Variants in SNX29 observed in about 807,000 individuals in gnomAD.
The protein encoded by SNX29 is sorting nexin 29.
Under a neutral mutation model 102.1 loss-of-function variants are expected in SNX29, and 78 were observed. The observed-to-expected ratio is 0.76, with a 90% CI of 0.64 to 0.92. SNX29 has a LOEUF of 0.92. Among genes scored for constraint, SNX29 ranks in the 40% least tolerant of loss-of-function variants. The pLI, the probability that SNX29 is intolerant of heterozygous loss-of-function variation, is 0.00. For missense variants in SNX29, 1,280 were observed against 1,061.7 expected (o/e 1.21, Z -2.86); for synonymous variants, 580 against 414.5 (o/e 1.40, Z -4.85).
At position 12,052,203 on chromosome 16, in the gene SNX29, C is replaced by A; in HGVS notation, c.1105C>A (p.His369Asn). 2 of 1,613,902 alleles carry A rather than the reference C, an allele frequency of 1.2e-6. No individual in the cohort carries two copies. The highest frequency in any genetic ancestry group is 1.7e-6 in the Non-Finnish European group (2 of 1,179,856). Reference protein sequence around the residue: ...GNSSGRKHRGHSESPEKPLEG... With the variant: ...GNSSGRKHRGNSESPEKPLEG... ...CTCATCAGGAAGGAAGCACAGGGGC[C>A]ACTCGGAGTCGCCCGAGAAGTAAGT... is the stretch of plus-strand genomic sequence containing the variant. Residue 369 changes from histidine to asparagine, a missense_variant, in exon 8 of 21, where the codon CAC becomes AAC. Transcript: ENST00000566228.
intron 20 of SNX29, among the ~76,000 whole-genome samples, chr16:12,542,795 A>C (rs1321648312): frequency 6.6e-6 from 1 of 151,860 alleles, no homozygotes; most frequent in Non-Finnish European, 1.5e-5. Flanking sequence ...TAGTTAAATC[A>C]GCAAGTAAGT....
At position 12,345,621 on chromosome 16, in the gene SNX29, G is replaced by A. The variant is rs567821752; in HGVS notation, c.1783-10542G>A. 2.2e-3 allele frequency among the ~76,000 whole-genome samples: 342 copies of A among 152,294 alleles called. 4 individuals carry two copies. The highest frequency in any genetic ancestry group is 0.011 in the South Asian group (53 of 4,826). ...AACTGTTGTTGCCACTACTACTGGG[G>A]GATGATCTGTGGAGGAGGTGGATGA... is the stretch of plus-strand genomic sequence containing the variant. On this transcript the variant is annotated intron_variant, in intron 15 of 20. Coordinates refer to ENST00000566228, the MANE Select transcript of SNX29 (RefSeq NM_032167.5).
intron 15 of SNX29, among the ~76,000 whole-genome samples, chr16:12,314,745 A>T (rs1374840563): frequency 5.9e-5 from 9 of 152,226 alleles, no homozygotes; most frequent in African/African-American, 2.2e-4. Context: ...GATAGTCAGC[A>T]GTTGCAGTGT....
At chr16:12,531,022 T>A (rs1393184377) in intron 20 of SNX29, among the ~76,000 whole-genome samples, 1 of 152,260 alleles carries the variant, frequency 6.6e-6, no homozygotes, top group East Asian at 1.9e-4. Flanking sequence ...TGGATACACA[T>A]TTTGGCAGGT....
chr16:12,523,519 C>T (rs1322457736), intron 19 of SNX29, among the ~76,000 whole-genome samples: 1 of 152,144 alleles, frequency 6.6e-6, no homozygotes, highest in Non-Finnish European at 1.5e-5. Context: ...GCTACTAGCA[C>T]AGATACACGG....
At chr16:12,058,488 G>GGTTTT (rs2050613497) in intron 8 of SNX29, among the ~76,000 whole-genome samples, 1 of 26,174 alleles carries the variant, frequency 3.8e-5, no homozygotes, top group African/African-American at 2.5e-4. Context: ...TTTTTTTTTG[G>GGTTTT]TTTTTGGTTT....
chr16:12,100,517 G>A (rs540649438), intron 11 of SNX29, among the ~76,000 whole-genome samples: 2 of 152,262 alleles, frequency 1.3e-5, no homozygotes, highest in East Asian at 1.9e-4. Context: ...GAGGAAGGAC[G>A]GTGCATGCTG....
At chr16:12,534,356 T>A (rs1387208448) in intron 20 of SNX29, among the ~76,000 whole-genome samples, 2 of 152,206 alleles carry the variant, frequency 1.3e-5, no homozygotes, top group Non-Finnish European at 2.9e-5. Context: ...TGGAGAGGTT[T>A]CCTGCACCTC....
chr16:12,566,786 A>C lies in SNX29; in HGVS notation c.2319-1720A>C, dbSNP rs545531572. 1.3e-3 allele frequency among the ~76,000 whole-genome samples: 192 copies of C among 152,342 alleles called. 1 individual carries two copies. Among genetic ancestry groups the C allele is most frequent in the Non-Finnish European group, 1.1e-3 (78 of 68,026 alleles). On this transcript the variant is annotated intron_variant, in intron 20 of 20. Transcript: ENST00000566228. Reference sequence around the variant, plus strand: ...AAAGGAGGAAAGCACAGCACACGCCAGGCTGGTTGGGCTCAGAGATGATTC... The same window carrying C: ...AAAGGAGGAAAGCACAGCACACGCCCGGCTGGTTGGGCTCAGAGATGATTC...
chr16:12,519,056 G>A (rs1418065124), intron 19 of SNX29, among the ~76,000 whole-genome samples: 1 of 152,174 alleles, frequency 6.6e-6, no homozygotes, highest in Non-Finnish European at 1.5e-5. Flanking sequence ...GGGAGTGACG[G>A]TGCTATGTGG....
At chr16:12,485,486 T>G (rs1008798711) in intron 19 of SNX29, among the ~76,000 whole-genome samples, 2 of 152,196 alleles carry the variant, frequency 1.3e-5, no homozygotes, top group East Asian at 3.8e-4. Context: ...ATTAAAATCC[T>G]CATTAAAAAC....
chr16:12,525,961 T>C (rs2076771759), intron 20 of SNX29, among the ~76,000 whole-genome samples: 2 of 152,108 alleles, frequency 1.3e-5, no homozygotes, highest in Admixed American at 1.3e-4. Context: ...AATGCTGACA[T>C]TTACATCCTT....
At chr16:12,500,637 A>C (rs749862677) in intron 19 of SNX29, among the ~76,000 whole-genome samples, 2 of 152,240 alleles carry the variant, frequency 1.3e-5, no homozygotes, top group African/African-American at 2.4e-5. Flanking sequence ...TCATCTGTCT[A>C]TTCTTTCTCA....
chr16:12,145,491 T>C (rs996874698), intron 13 of SNX29, among the ~76,000 whole-genome samples: 9 of 152,220 alleles, frequency 5.9e-5, no homozygotes, highest in African/African-American at 1.9e-4. Context: ...TCCCTTAAGT[T>C]AGGGTATTTT....
chr16:12,360,006 T>G (rs1276177198), intron 16 of SNX29, among the ~76,000 whole-genome samples: 1 of 152,192 alleles, frequency 6.6e-6, no homozygotes, highest in Non-Finnish European at 1.5e-5. Context: ...GTATTTTTAG[T>G]AGAGACGGGG....
At chr16:12,235,222 T>G (rs949195990) in intron 14 of SNX29, among the ~76,000 whole-genome samples, 4 of 152,150 alleles carry the variant, frequency 2.6e-5, no homozygotes, top group African/African-American at 9.7e-5. Flanking sequence ...TCCCTGGTGT[T>G]CAGTAAGTTT....
chr16:12,106,799 ACCC>A (rs988292306), intron 11 of SNX29, among the ~76,000 whole-genome samples: 1 of 147,062 alleles, frequency 6.8e-6, no homozygotes, highest in African/African-American at 2.5e-5. Context: ...TTAAGGGTAT[ACCC>A]CCAACTTCCA....
intron 15 of SNX29, among the ~76,000 whole-genome samples, chr16:12,295,071 A>T (rs1372338268): frequency 6.6e-6 from 1 of 152,158 alleles, no homozygotes; most frequent in Non-Finnish European, 1.5e-5. Flanking sequence ...TCTCTACCAC[A>T]AGAACAGTAT....
chr16:12,401,913 A>G (rs1005258290), intron 17 of SNX29, among the ~76,000 whole-genome samples: 6 of 152,182 alleles, frequency 3.9e-5, no homozygotes, highest in African/African-American at 1.4e-4. Context: ...TGAAAGAGAG[A>G]ACCATTTAAC....
Sources: gnomAD v4.1 joint callset for allele counts (sites outside exome capture counted in the v4.1 genomes callset) on GRCh38, gnomAD v4.1.1 for gene constraint, MANE v1.5 for transcripts, NCBI Gene and HGNC (gene_info 2026-07-23, HGNC 2026-07-21) for gene names.